The following WDR19 variants were observed in gnomAD, a reference collection of about 807,000 sequenced individuals.
WDR19 encodes WD repeat-containing protein 19.
A neutral mutation model predicts 180.0 loss-of-function variants in WDR19; 121 were observed. That is an observed-to-expected ratio of 0.67 (90% CI 0.58 to 0.78). The LOEUF (loss-of-function observed/expected upper bound fraction) is 0.78, where lower values mean the gene tolerates loss of function less well. Among genes scored for constraint, WDR19 ranks in the 30% least tolerant of loss-of-function variants. WDR19 has a pLI of 0.00. For synonymous variants in WDR19, 497 were observed against 540.7 expected (o/e 0.92, Z 1.12); for missense variants, 1,450 against 1,640.7 (o/e 0.88, Z 2.01).
chr4:39,183,550 G>A (rs944602689), intron 1 of WDR19, among the ~76,000 whole-genome samples: 18 of 152,024 alleles, frequency 1.2e-4, no homozygotes, highest in African/African-American at 4.3e-4. Context: ...CGCCCGGCTG[G>A]AAGGCTCAAT....
At position 39,259,367 on chromosome 4, in the gene WDR19, T is replaced by C. The variant is rs139108929; in HGVS notation, c.3183+1813T>C. Among the ~76,000 whole-genome samples the C allele has an allele frequency of 1.9e-3, 296 of 152,344 alleles. 1 individual carries two copies. Among genetic ancestry groups the C allele is most frequent in the African/African-American group, 6.7e-3 (278 of 41,584 alleles). The stretch of plus-strand genomic sequence containing the variant: ...AATCTGGTTTGGGATCCTCTAGTCT[T>C]TTCCATTGCTTTAGTCGTCTGTCCT... On this transcript the variant is annotated intron_variant, in intron 28 of 36. Coordinates refer to ENST00000399820, the MANE Select transcript of WDR19 (RefSeq NM_025132.4).
intron 5 of WDR19, among the ~76,000 whole-genome samples, chr4:39,195,323 C>T (rs555151037): frequency 1.3e-5 from 2 of 149,146 alleles, no homozygotes; most frequent in African/African-American, 2.5e-5. Context: ...GCAGAGATCG[C>T]GCCACTGCAC....
intron 15 of WDR19, among the ~76,000 whole-genome samples, 192 bp downstream of exon 15, chr4:39,225,225 T>C (rs1730126743): frequency 6.6e-6 from 1 of 152,242 alleles, no homozygotes; most frequent in Non-Finnish European, 1.5e-5. Context: ...TATTCTGTAA[T>C]TTTTCATAGT....
At chr4:39,217,854 C>A in intron 13 of WDR19, 129 bp from the exon 14 acceptor site, 1 of 1,201,350 alleles carries the variant, frequency 8.3e-7, no homozygotes, top group Non-Finnish European at 1.2e-6. Flanking sequence ...AGCTTTCCAA[C>A]TAAACTGACC....
chr4:39,251,604 C>A (rs1333188252), intron 24 of WDR19, among the ~76,000 whole-genome samples: 1 of 151,736 alleles, frequency 6.6e-6, no homozygotes, highest in African/African-American at 2.4e-5. Flanking sequence ...ATTTTTGCAA[C>A]CTACTCATCT....
intron 20 of WDR19, among the ~76,000 whole-genome samples, chr4:39,235,227 C>T (rs1480906659): frequency 2.0e-5 from 3 of 151,994 alleles, no homozygotes; most frequent in Admixed American, 6.6e-5. Context: ...CCTGTGCTCA[C>T]GTGATCCTCC....
At chr4:39,248,479 C>G (rs148320186) in intron 24 of WDR19, among the ~76,000 whole-genome samples, 112 of 152,246 alleles carry the variant, frequency 7.4e-4, no homozygotes, top group African/African-American at 2.6e-3. Flanking sequence ...ATCATAATGA[C>G]AGGATCAAAT....
chr4:39,203,240 C>T (rs927159232), intron 6 of WDR19, among the ~76,000 whole-genome samples: 1 of 151,444 alleles, frequency 6.6e-6, no homozygotes, highest in Non-Finnish European at 1.5e-5. Flanking sequence ...ACTGAGATTA[C>T]AGATATGAGC....
At chr4:39,285,208 T>G (rs1273710923) in intron 36 of WDR19, among the ~76,000 whole-genome samples, 1 of 149,510 alleles carries the variant, frequency 6.7e-6, no homozygotes, top group Non-Finnish European at 1.5e-5. Context: ...GCTGAGCACT[T>G]TGCATTTGTT....
chr4:39,273,136 A>G, intron 32 of WDR19, 75 bp downstream of exon 32: 1 of 1,170,752 alleles, frequency 8.5e-7, no homozygotes, highest in Non-Finnish European at 1.2e-6. Context: ...CCCCTTTTGC[A>G]GGCTCCCCTC....
intron 10 of WDR19, among the ~76,000 whole-genome samples, chr4:39,215,106 C>A (rs1728931436): frequency 6.6e-6 from 1 of 152,048 alleles, no homozygotes; most frequent in Non-Finnish European, 1.5e-5. Context: ...ACTAGAGTTC[C>A]CTAAAATAGT....
In WDR19 at chr4:39,215,856, C is replaced by G. The variant is rs1729012449; in HGVS notation, c.977C>G (p.Ser326Cys). 1 of 1,612,934 alleles carries G rather than the reference C, an allele frequency of 6.2e-7. No individual in the cohort carries two copies. The highest frequency in any genetic ancestry group is 8.5e-7 in the Non-Finnish European group (1 of 1,179,544). The change falls in exon 11 of 37, where the codon TCC (serine) becomes TGC (cysteine). Residue 326 changes from serine to cysteine, a missense_variant. Coordinates refer to ENST00000399820, the MANE Select transcript of WDR19 (RefSeq NM_025132.4). ...DEENKGLGTL[S>C]WTDDGQLLAL... Reference sequence around the variant, plus strand: ...ATTATTTCAGGATTGGGTACCTTGTCCTGGACTGATGATGGCCAGTTGCTA... The same window carrying G: ...ATTATTTCAGGATTGGGTACCTTGTGCTGGACTGATGATGGCCAGTTGCTA...
chr4:39,193,930 T>C (rs1726444075), intron 4 of WDR19, among the ~76,000 whole-genome samples: 1 of 152,244 alleles, frequency 6.6e-6, no homozygotes, highest in South Asian at 2.1e-4. Context: ...TCTTGACTCA[T>C]TGTGATTTCT....
intron 30 of WDR19, 144 bp downstream of exon 30, chr4:39,268,235 T>C (rs1031845181): frequency 1.6e-6 from 1 of 625,876 alleles, no homozygotes; most frequent in Non-Finnish European, 2.7e-6. Context: ...TGACCATTTC[T>C]AGGTTTCAGA....
intron 21 of WDR19, among the ~76,000 whole-genome samples, 150 bp from the exon 22 acceptor site, chr4:39,244,096 CAA>C (rs1191885550): frequency 1.3e-5 from 2 of 151,824 alleles, no homozygotes; most frequent in Non-Finnish European, 2.9e-5. Flanking sequence ...AAAAAAGTCT[CAA>C]GTGTTATTTT....
In WDR19 at chr4:39,245,402, T is replaced by C; in HGVS notation, c.2679T>C (p.Ser893=). 1 of 1,613,784 alleles carries C rather than the reference T, an allele frequency of 6.2e-7. No homozygotes were observed. The highest frequency in any genetic ancestry group is 1.3e-5 in the African/African-American group (1 of 75,042). ...AKVGDLLPHV[S]SPKIHLQYAK... ...TTGGTGATCTTCTGCCCCACGTTTC[T>C]TCTCCTAAGATCCATTTGCAGTATG... Residue 893 remains serine, a synonymous_variant, in exon 24 of 37, where the codon TCT becomes TCC. Transcript: ENST00000399820.
chr4:39,182,842 C>A (rs1725085923), intron 1 of WDR19, among the ~76,000 whole-genome samples: 1 of 152,058 alleles, frequency 6.6e-6, no homozygotes, highest in Non-Finnish European at 1.5e-5. Flanking sequence ...CCCTCCCTGG[C>A]CGAAATGAGC....
chr4:39,260,867 A>C (rs1734218344), intron 28 of WDR19, among the ~76,000 whole-genome samples: 1 of 152,194 alleles, frequency 6.6e-6, no homozygotes, highest in South Asian at 2.1e-4. Flanking sequence ...TTAAGGCTAC[A>C]ATCTAACCCT....
At chr4:39,280,841 C>A (rs1012980296) in intron 36 of WDR19, among the ~76,000 whole-genome samples, 1 of 152,122 alleles carries the variant, frequency 6.6e-6, no homozygotes, top group African/African-American at 2.4e-5. Flanking sequence ...CTGTTTCCTT[C>A]TAGGAGTTTT....
Sources: gnomAD v4.1 joint callset for allele counts (sites outside exome capture counted in the v4.1 genomes callset) on GRCh38, gnomAD v4.1.1 for gene constraint, MANE v1.5 for transcripts, NCBI Gene and HGNC (gene_info 2026-07-23, HGNC 2026-07-21) for gene names.